CREB5: variants seen among roughly 807,000 people sequenced by gnomAD.
CREB5 encodes cAMP responsive element binding protein 5.
CREB5 carries 19 observed loss-of-function variants against 57.1 expected under a neutral mutation model. That is an observed-to-expected ratio of 0.33 (90% confidence interval 0.23 to 0.49). The LOEUF is 0.49. CREB5 is among the 20% of genes least tolerant of loss of function. CREB5 has a pLI of 0.99. For synonymous variants in CREB5, 238 were observed against 238.3 expected (o/e 1.00, Z 0.01); for missense variants, 579 against 671.6 (o/e 0.86, Z 1.52).
intron 5 of CREB5, among the ~76,000 whole-genome samples, chr7:28,638,111 A>G (rs911820589): frequency 2.0e-5 from 3 of 152,092 alleles, no homozygotes; most frequent in Non-Finnish European, 4.4e-5. Flanking sequence ...TCCAATGTTT[A>G]TCAAATTTTG....
intron 1 of CREB5, among the ~76,000 whole-genome samples, chr7:28,420,339 GCTTTAT>G (rs1788191581): frequency 1.3e-5 from 2 of 152,096 alleles, no homozygotes; most frequent in South Asian, 4.1e-4. Context: ...TCATGTGGCT[GCTTTAT>G]CTTTATTTAA....
Position 28,819,452 on chromosome 7 carries a change from G to A in CREB5, c.*173G>A. ...TTGTCTTTTATACTTAGTTATATAA[G>A]AAAAAAGGGAGTTATGCAATTAATA... On this transcript the variant is annotated 3_prime_UTR_variant, in exon 11 of 11. Transcript: ENST00000357727. 1 of 631,766 alleles carries A rather than the reference G, an allele frequency of 1.6e-6. No homozygotes were observed. The highest frequency in any genetic ancestry group is 2.5e-6 in the Non-Finnish European group (1 of 394,452). The allele number at this position is 631,766 out of a possible 1,614,324, so 39.1% of individuals were successfully genotyped here.
chr7:28,302,935 A>G (rs1037653533), intron 1 of CREB5, among the ~76,000 whole-genome samples: 5 of 152,196 alleles, frequency 3.3e-5, no homozygotes. Context: ...TGATGGCGGA[A>G]TATAGGGTTG....
intron 6 of CREB5, among the ~76,000 whole-genome samples, chr7:28,722,447 G>T (rs934974506): frequency 6.6e-6 from 1 of 152,090 alleles, no homozygotes; most frequent in African/African-American, 2.4e-5. Flanking sequence ...AAAGTAACAT[G>T]AATTTTTTTA....
At chr7:28,771,634 G>A (rs952294712) in intron 7 of CREB5, among the ~76,000 whole-genome samples, 5 of 152,056 alleles carry the variant, frequency 3.3e-5, no homozygotes, top group South Asian at 4.1e-4. Flanking sequence ...CATTTACAGC[G>A]CTACCCCTTC....
intron 1 of CREB5, among the ~76,000 whole-genome samples, chr7:28,413,242 TC>T (rs1024446840): frequency 3.3e-5 from 5 of 152,032 alleles, no homozygotes; most frequent in Non-Finnish European, 7.4e-5. Flanking sequence ...CTGTGAGGTT[TC>T]ATGAATCACT....
chr7:28,616,489 C>T (rs1321993659), intron 5 of CREB5, among the ~76,000 whole-genome samples: 1 of 151,756 alleles, frequency 6.6e-6, no homozygotes, highest in African/African-American at 2.4e-5. Context: ...CTAATGGGTA[C>T]CCAGAAACAA....
intron 4 of CREB5, among the ~76,000 whole-genome samples, chr7:28,515,286 T>C (rs1191285711): frequency 6.6e-6 from 1 of 152,210 alleles, no homozygotes; most frequent in African/African-American, 2.4e-5. Flanking sequence ...TCTTGGCCTT[T>C]CTCTGACCTC....
intron 5 of CREB5, among the ~76,000 whole-genome samples, chr7:28,643,770 A>G (rs1456389970): frequency 1.3e-5 from 2 of 149,626 alleles, no homozygotes. Flanking sequence ...GCGGAAGAAA[A>G]AAAAAAAACA....
At chr7:28,548,209 C>T (rs1432929557) in intron 4 of CREB5, among the ~76,000 whole-genome samples, 2 of 152,104 alleles carry the variant, frequency 1.3e-5, no homozygotes, top group African/African-American at 2.4e-5. Context: ...ATTGGTGGGA[C>T]GTTCTGTGCC....
chr7:28,517,773 G>T (rs1793037342), intron 4 of CREB5, among the ~76,000 whole-genome samples: 1 of 151,888 alleles, frequency 6.6e-6, no homozygotes, highest in Admixed American at 6.6e-5. Context: ...TGCTTTCTGG[G>T]ATAGTCAAAG....
chr7:28,720,276 A>G (rs1029058699), intron 6 of CREB5, among the ~76,000 whole-genome samples: 7 of 152,210 alleles, frequency 4.6e-5, no homozygotes, highest in Non-Finnish European at 8.8e-5. Context: ...CAACAATATT[A>G]ACAATGCCTT....
chr7:28,603,766 G>C (rs1797013297), intron 5 of CREB5, among the ~76,000 whole-genome samples: 1 of 152,214 alleles, frequency 6.6e-6, no homozygotes, highest in African/African-American at 2.4e-5. Context: ...TGGTTGGTAA[G>C]TTATAGCCAG....
chr7:28,511,451 G>T (rs550708440), intron 4 of CREB5, among the ~76,000 whole-genome samples: 1 of 152,140 alleles, frequency 6.6e-6, no homozygotes, highest in African/African-American at 2.4e-5. Flanking sequence ...AGGGGCTTTG[G>T]CTTCAACTGA....
intron 5 of CREB5, among the ~76,000 whole-genome samples, chr7:28,589,193 A>G (rs996870168): frequency 2.0e-5 from 3 of 152,132 alleles, no homozygotes; most frequent in African/African-American, 7.2e-5. Context: ...TTTTTGATGC[A>G]TTTCTAAGTA....
Position 28,696,822 on chromosome 7 carries a change from G to A in CREB5, c.465-21931G>A, listed in dbSNP as rs529863243. 1.1e-4 allele frequency among the ~76,000 whole-genome samples: 17 copies of A among 150,454 alleles called. No homozygotes were observed. The East Asian group carries it at 2.5e-3, about 22-fold the overall frequency. Reference sequence around the variant, plus strand: ...TACGTATATATACACATACGTATACGTATACATACACATACGTATATATAC... The same window carrying A: ...TACGTATATATACACATACGTATACATATACATACACATACGTATATATAC... On this transcript the variant is annotated intron_variant, in intron 5 of 10. Transcript: ENST00000357727.
intron 1 of CREB5, among the ~76,000 whole-genome samples, chr7:28,355,035 A>G (rs1217360373): frequency 1.3e-5 from 2 of 152,298 alleles, no homozygotes; most frequent in South Asian, 2.1e-4. Context: ...GGTTTAAGCC[A>G]CTGTTGGTTA....
At position 28,658,979 on chromosome 7, in the gene CREB5, A is replaced by ATATATATATATATATATATATG. The variant is rs1491493080; in HGVS notation, c.465-59773_465-59772insATATATATATATATATATATGT. ...TATATATATATATATATATATATAT[A>ATATATATATATATATATATATG]TGTATATATAAGTCATAATTTATAA... On this transcript the variant is annotated intron_variant, in intron 5 of 10. Coordinates refer to ENST00000357727, the MANE Select transcript of CREB5 (RefSeq NM_182898.4). Among the ~76,000 whole-genome samples, 5 of 90,582 alleles carry ATATATATATATATATATATATG rather than the reference A, an allele frequency of 5.5e-5. No homozygotes were observed. In the East Asian group the frequency reaches 2.5e-3, roughly 46 times the overall value. The allele number at this position is 90,582 out of a possible 152,430, so 59.4% of individuals were successfully genotyped here.
At chr7:28,519,424 A>G (rs947190632) in intron 4 of CREB5, among the ~76,000 whole-genome samples, 9 of 152,248 alleles carry the variant, frequency 5.9e-5, no homozygotes, top group African/African-American at 2.2e-4. Flanking sequence ...CAGCTTTAAC[A>G]GATAATTGCT....
Sources: gnomAD v4.1 joint callset for allele counts (sites outside exome capture counted in the v4.1 genomes callset) on GRCh38, gnomAD v4.1.1 for gene constraint, MANE v1.5 for transcripts, NCBI Gene and HGNC (gene_info 2026-07-23, HGNC 2026-07-21) for gene names.